Variants in TRIM33 observed in about 807,000 individuals in gnomAD.
The protein encoded by TRIM33 is tripartite motif containing 33.
A neutral mutation model predicts 125.4 loss-of-function variants in TRIM33; 20 were observed. The ratio of observed to expected loss-of-function variants is 0.16; its 90% CI spans 0.11 to 0.23. TRIM33 has a LOEUF of 0.23. Among genes scored for constraint, TRIM33 ranks in the 10% least tolerant of loss-of-function variants. The pLI is 1.00. For synonymous variants in TRIM33, 564 were observed against 513.9 expected, an observed-to-expected ratio of 1.10 and a Z score of -1.32; for missense variants, 920 against 1,411.4, an observed-to-expected ratio of 0.65 and a Z score of 5.58.
Position 114,397,597 on chromosome 1 carries a change from T to TG in TRIM33, c.*50_*51insC, listed in dbSNP as rs766220955. On this transcript the variant is annotated 3_prime_UTR_variant, in exon 20 of 20. Transcript: ENST00000358465. Reference sequence around the variant, plus strand: ...TTTTCTGGGTTTTTTGTGTTTTTTTTTTTTTTTTCGTTTTTTTTTTTTTAA... The same window carrying TG: ...TTTTCTGGGTTTTTTGTGTTTTTTTTGTTTTTTTTCGTTTTTTTTTTTTTAA... 2 of 1,131,084 alleles carry TG rather than the reference T, an allele frequency of 1.8e-6. No individual in the cohort carries two copies. Among genetic ancestry groups the TG allele is most frequent in the African/African-American group, 1.6e-5 (1 of 61,188 alleles). 70.1% of individuals were successfully genotyped at this position (1,131,084 alleles called of 1,614,324 possible).
At chr1:114,420,123 G>A (rs145147095) in intron 11 of TRIM33, among the ~76,000 whole-genome samples, 30 of 152,280 alleles carry the variant, frequency 2.0e-4, no homozygotes, top group African/African-American at 6.5e-4. Flanking sequence ...TTATATTTAC[G>A]TTTTAAAAGA....
At chr1:114,482,763 A>G (rs1651438863) in intron 1 of TRIM33, among the ~76,000 whole-genome samples, 3 of 152,158 alleles carry the variant, frequency 2.0e-5, no homozygotes, top group African/African-American at 4.8e-5. Context: ...GAAAGTCTGC[A>G]GCACTTCCCC....
Position 114,396,307 on chromosome 1 carries a change from A to G in TRIM33, c.*1341T>C. 1 of 205,796 alleles carries G rather than the reference A, an allele frequency of 4.9e-6. No individual in the cohort carries two copies. The highest frequency in any genetic ancestry group is 1.0e-5 in the Non-Finnish European group (1 of 100,316). The allele number at this position is 205,796 out of a possible 1,614,324, so 12.7% of individuals were successfully genotyped here. ...TAATTGGGGTGGTAAAGGTGGGTTT[A>G]CTCCAGTAACCATTCAAGTGGGGAT... On this transcript the variant is annotated 3_prime_UTR_variant, in exon 20 of 20. Transcript: ENST00000358465.
intron 1 of TRIM33, among the ~76,000 whole-genome samples, chr1:114,474,578 T>TTAA (rs367805199): frequency 5.1e-5 from 4 of 78,984 alleles, no homozygotes; most frequent in African/African-American, 2.1e-4. Flanking sequence ...TGTCTCTATT[T>TTAA]AAAAAAAAAA....
chr1:114,423,791 T>G (rs139934084), intron 10 of TRIM33, among the ~76,000 whole-genome samples: 72 of 152,230 alleles, frequency 4.7e-4, no homozygotes, highest in African/African-American at 1.7e-3. Context: ...TCTCCAACTT[T>G]AGTACGCAGA....
intron 1 of TRIM33, among the ~76,000 whole-genome samples, 171 bp from the exon 2 acceptor site, chr1:114,464,559 T>C (rs1023716449): frequency 6.6e-6 from 1 of 152,180 alleles, no homozygotes; most frequent in African/African-American, 2.4e-5. Context: ...TGATACTCTA[T>C]TTAGGAAAAG....
At position 114,425,506 on chromosome 1, in the gene TRIM33, T is replaced by C. The variant is rs376156064; in HGVS notation, c.1638A>G (p.Thr546=). 1 of 1,614,014 alleles carries C rather than the reference T, an allele frequency of 6.2e-7. No homozygotes were observed. Among genetic ancestry groups the C allele is most frequent in the African/African-American group, 1.3e-5 (1 of 74,926 alleles). ...MQQPPAPVPT[T]TTTTQQHPRQ... is the part of the protein sequence containing the mutation. ...TAGGATGCTGTTGTGTTGTTGTTGT[T>C]GTAGTTGGTACAGGTGCTGGTGGTT... The change falls in exon 9 of 20, where the codon ACA becomes ACG. Residue 546 remains threonine, a synonymous_variant. Coordinates refer to ENST00000358465, the MANE Select transcript of TRIM33 (RefSeq NM_015906.4).
chr1:114,427,239 G>C lies in TRIM33; in HGVS notation c.1358C>G (p.Ala453Gly). 6.2e-7 allele frequency: 1 copy of C among 1,608,130 alleles called. No individual in the cohort carries two copies. Among genetic ancestry groups the C allele is most frequent in the Non-Finnish European group, 8.5e-7 (1 of 1,176,206 alleles). The change falls in exon 8 of 20, where the codon GCT becomes GGT. Residue 453 changes from alanine to glycine, a missense_variant. Coordinates refer to ENST00000358465, the MANE Select transcript of TRIM33 (RefSeq NM_015906.4). ...ACAATGGAAACGTATTGCTCCATTA[G>C]CAGCAGGGACAGGATCACACCGTGC... ...LKARCDPVPA[A>G]NGAIRFHCDP... is the part of the protein sequence containing the mutation.
intron 14 of TRIM33, 111 bp from the exon 15 acceptor site, chr1:114,405,870 T>C (rs1278153333): frequency 1.1e-6 from 1 of 944,626 alleles, no homozygotes; most frequent in Non-Finnish European, 1.6e-6. Context: ...ACGTAACAAA[T>C]TTATTTTATA....
Position 114,397,663 on chromosome 1 carries a change from TG to T in TRIM33, c.3368del (p.Pro1123GlnfsTer4). 1 of 1,559,604 alleles carries T rather than the reference TG, an allele frequency of 6.4e-7. No individual in the cohort carries two copies. The highest frequency in any genetic ancestry group is 8.8e-7 in the Non-Finnish European group (1 of 1,139,756). On this transcript the variant is annotated frameshift_variant, in exon 20 of 20. Transcript: ENST00000358465. LOFTEE classifies it high-confidence loss of function. ...CCATGTCATTTTACTTTATATGTAC[TG>T]GTCTCTCATCTGACTTTAGGCGTTT... The part of the protein sequence containing the change: ...RRKRLKSDER[P>X]VHIK
intron 1 of TRIM33, among the ~76,000 whole-genome samples, chr1:114,467,392 T>C (rs1043341839): frequency 1.3e-5 from 2 of 152,172 alleles, no homozygotes; most frequent in Non-Finnish European, 2.9e-5. Flanking sequence ...AAGTTTTGGA[T>C]AGATGGTGTT....
At chr1:114,468,405 AC>A in intron 1 of TRIM33, 1 of 348,590 alleles carries the variant, frequency 2.9e-6, no homozygotes, top group Non-Finnish European at 5.7e-6. Flanking sequence ...GGAAGGGGAT[AC>A]CCAAACAGAG....
At chr1:114,482,266 T>C (rs1315301318) in intron 1 of TRIM33, among the ~76,000 whole-genome samples, 1 of 152,010 alleles carries the variant, frequency 6.6e-6, no homozygotes, top group African/African-American at 2.4e-5. Context: ...CAAAGACATA[T>C]ATTAGAAAGG....
intron 4 of TRIM33, among the ~76,000 whole-genome samples, chr1:114,462,495 A>G (rs1004540346): frequency 1.3e-5 from 2 of 152,214 alleles, no homozygotes; most frequent in African/African-American, 2.4e-5. Flanking sequence ...TACTTGTAAT[A>G]AACAGATGCC....
At chr1:114,417,660 T>C (rs1025816724) in intron 11 of TRIM33, among the ~76,000 whole-genome samples, 10 of 152,100 alleles carry the variant, frequency 6.6e-5, no homozygotes, top group African/African-American at 2.4e-4. Flanking sequence ...TATTTATTTA[T>C]TTATTTATTT....
Position 114,463,621 on chromosome 1 carries a change from A to C in TRIM33, c.646-65T>G, listed in dbSNP as rs1055490010. The stretch of plus-strand genomic sequence containing the variant: ...AAAATCTAGATCTAAAAAAAAAAAA[A>C]AACTTGTTCTTCAATATACTATTTC... On this transcript the variant is annotated intron_variant, in intron 2 of 19. Coordinates refer to ENST00000358465, the MANE Select transcript of TRIM33 (RefSeq NM_015906.4). The C allele has an allele frequency of 1.1e-4, 117 of 1,060,382 alleles. No individual in the cohort carries two copies. The South Asian group carries it at 1.6e-3, about 14-fold the overall frequency. 65.7% of individuals were successfully genotyped at this position (1,060,382 alleles called of 1,614,324 possible).
chr1:114,400,788 C>T (rs1175639459), intron 17 of TRIM33, among the ~76,000 whole-genome samples: 1 of 152,124 alleles, frequency 6.6e-6, no homozygotes, highest in Non-Finnish European at 1.5e-5. Flanking sequence ...TATTCTTACC[C>T]CACTTATTAG....
intron 11 of TRIM33, among the ~76,000 whole-genome samples, chr1:114,412,484 C>G (rs1416402362): frequency 6.6e-6 from 1 of 152,228 alleles, no homozygotes; most frequent in Non-Finnish European, 1.5e-5. Context: ...CAGATCATAT[C>G]TATCACCCCC....
At chr1:114,493,207 G>A (rs376911599) in intron 1 of TRIM33, among the ~76,000 whole-genome samples, 94 of 152,156 alleles carry the variant, frequency 6.2e-4, no homozygotes, top group Non-Finnish European at 6.0e-4. Context: ...CTTCTTTGGG[G>A]AACTGTCTAT....
Sources: gnomAD v4.1 joint callset for allele counts (sites outside exome capture counted in the v4.1 genomes callset) on GRCh38, gnomAD v4.1.1 for gene constraint, MANE v1.5 for transcripts, NCBI Gene and HGNC (gene_info 2026-07-23, HGNC 2026-07-21) for gene names.